MIGA1: variants seen among roughly 807,000 people sequenced by gnomAD.
The protein encoded by MIGA1 is mitoguardin 1.
MIGA1 carries 58 observed loss-of-function variants against 82.0 expected under a neutral mutation model. The ratio of observed to expected loss-of-function variants is 0.71; its 90% CI spans 0.57 to 0.88. MIGA1 has a LOEUF of 0.88. MIGA1 is among the 40% of genes least tolerant of loss of function. The pLI is 0.00. For synonymous variants in MIGA1, 249 were observed against 253.6 expected (o/e 0.98, Z 0.17); for missense variants, 751 against 749.1 (o/e 1.00, Z -0.03).
chr1:77,829,358 G>A (rs1238755229), intron 7 of MIGA1, among the ~76,000 whole-genome samples: 1 of 152,182 alleles, frequency 6.6e-6, no homozygotes, highest in African/African-American at 2.4e-5. Flanking sequence ...GGCTGAGATA[G>A]CAGGATCTTT....
At chr1:77,791,745 G>A (rs1431687798) in intron 2 of MIGA1, among the ~76,000 whole-genome samples, 3 of 151,508 alleles carry the variant, frequency 2.0e-5, no homozygotes, top group South Asian at 2.1e-4. Context: ...TGTATTTTTA[G>A]TAGAGACAGG....
intron 8 of MIGA1, among the ~76,000 whole-genome samples, chr1:77,844,623 G>T (rs1684768644): frequency 6.6e-6 from 1 of 152,012 alleles, no homozygotes; most frequent in Admixed American, 6.6e-5. Flanking sequence ...CAGAATATTT[G>T]CATTTTTTAC....
At chr1:77,816,986 A>C (rs917953677) in intron 7 of MIGA1, among the ~76,000 whole-genome samples, 5 of 152,120 alleles carry the variant, frequency 3.3e-5, no homozygotes, top group African/African-American at 1.2e-4. Flanking sequence ...TTAATGTCTT[A>C]CTCTAGGAAT....
intron 5 of MIGA1, among the ~76,000 whole-genome samples, chr1:77,808,751 A>G (rs748285282): frequency 6.6e-6 from 1 of 152,236 alleles, no homozygotes; most frequent in Non-Finnish European, 1.5e-5. Flanking sequence ...CCAGTGAGCA[A>G]TGAAGGGTTG....
intron 2 of MIGA1, among the ~76,000 whole-genome samples, chr1:77,788,809 C>T (rs1365495881): frequency 1.3e-5 from 2 of 152,082 alleles, no homozygotes; most frequent in African/African-American, 2.4e-5. Flanking sequence ...TGATTACTGT[C>T]GCTTTATAGT....
intron 7 of MIGA1, among the ~76,000 whole-genome samples, chr1:77,819,119 C>T (rs1158008383): frequency 6.6e-6 from 1 of 151,298 alleles, no homozygotes; most frequent in East Asian, 1.9e-4. Flanking sequence ...TCATCTCAAT[C>T]CCTACAACAA....
At chr1:77,847,247 G>A in intron 8 of MIGA1, 8 of 1,045,248 alleles carry the variant, frequency 7.7e-6, no homozygotes, top group Non-Finnish European at 1.1e-5. Flanking sequence ...AGCCTTCAGA[G>A]GGAAGCTGCT....
chr1:77,847,375 A>G, intron 8 of MIGA1: 1 of 1,067,042 alleles, frequency 9.4e-7, no homozygotes. Context: ...GAGGAAAACA[A>G]TACTAAATTG....
At chr1:77,839,449 C>A (rs1482425825) in intron 7 of MIGA1, among the ~76,000 whole-genome samples, 1 of 151,932 alleles carries the variant, frequency 6.6e-6, no homozygotes, top group Non-Finnish European at 1.5e-5. Flanking sequence ...TGGCTCACTG[C>A]AGCCTTGAAC....
At chr1:77,782,369 T>G (rs2101674702) in intron 1 of MIGA1, among the ~76,000 whole-genome samples, 1 of 152,338 alleles carries the variant, frequency 6.6e-6, no homozygotes, top group South Asian at 2.1e-4. Flanking sequence ...CATTTTTGAC[T>G]TATTAGTTCA....
chr1:77,870,049 C>T (rs866556273), intron 14 of MIGA1, among the ~76,000 whole-genome samples: 2 of 107,136 alleles, frequency 1.9e-5, no homozygotes, highest in South Asian at 3.6e-4. Flanking sequence ...CGGGCAGAGG[C>T]GCCCCTCACC....
intron 5 of MIGA1, among the ~76,000 whole-genome samples, chr1:77,810,390 C>T (rs1335872356): frequency 1.3e-5 from 2 of 151,212 alleles, no homozygotes; most frequent in Non-Finnish European, 2.9e-5. Context: ...CAGAACTGGT[C>T]CCATTCCTCT....
intron 5 of MIGA1, among the ~76,000 whole-genome samples, chr1:77,807,493 C>G (rs1683145930): frequency 6.6e-6 from 1 of 152,092 alleles, no homozygotes; most frequent in Non-Finnish European, 1.5e-5. Context: ...CTGAATTGTT[C>G]TAAGAGAAGC....
rs76346296 is a variant in MIGA1 at position 77,802,357 on chromosome 1, C to G, written c.373+849C>G. Among the ~76,000 whole-genome samples, 1,119 of 152,202 alleles carry G rather than the reference C, an allele frequency of 7.4e-3. 16 individuals are homozygous for G. The highest frequency in any genetic ancestry group is 0.025 in the African/African-American group (1,043 of 41,516). On this transcript the variant is annotated intron_variant, in intron 3 of 15. Coordinates refer to ENST00000370791, the MANE Select transcript of MIGA1 (RefSeq NM_198549.4). ...CAATCCTGTGAATTAGGATTATAGT[C>G]TTGTTATTGTTTCTATATTCTACAT...
At chr1:77,837,887 G>T (rs1684489267) in intron 7 of MIGA1, among the ~76,000 whole-genome samples, 1 of 152,106 alleles carries the variant, frequency 6.6e-6, no homozygotes, top group African/African-American at 2.4e-5. Flanking sequence ...TTTTCAATTT[G>T]CTGTTATATT....
At position 77,785,645 on chromosome 1, in the gene MIGA1, G is replaced by A. The variant is rs144459861; in HGVS notation, c.195+2294G>A. Reference sequence around the variant, plus strand: ...GGTGTGAGCCACTGCACCCGGCCAGGGCAGTCAAATATTAAAGTTCCAAAA... The same window carrying A: ...GGTGTGAGCCACTGCACCCGGCCAGAGCAGTCAAATATTAAAGTTCCAAAA... On this transcript the variant is annotated intron_variant, in intron 2 of 15. Transcript: ENST00000370791. Among the ~76,000 whole-genome samples, 388 of 152,210 alleles carry A rather than the reference G, an allele frequency of 2.5e-3. 1 individual carries two copies. The highest frequency in any genetic ancestry group is 9.0e-3 in the African/African-American group (372 of 41,526).
intron 1 of MIGA1, among the ~76,000 whole-genome samples, chr1:77,781,181 T>C (rs1171159412): frequency 6.6e-6 from 1 of 152,150 alleles, no homozygotes; most frequent in African/African-American, 2.4e-5. Flanking sequence ...AATGCTGGGA[T>C]TACAGGCGTG....
chr1:77,787,636 G>A (rs189962529), intron 2 of MIGA1, among the ~76,000 whole-genome samples: 5 of 152,022 alleles, frequency 3.3e-5, no homozygotes, highest in Admixed American at 2.6e-4. Flanking sequence ...TGATCTGCCC[G>A]CCTCCGCCTC....
chr1:77,822,931 C>G (rs1482287489), intron 7 of MIGA1, among the ~76,000 whole-genome samples: 1 of 151,126 alleles, frequency 6.6e-6, no homozygotes, highest in Non-Finnish European at 1.5e-5. Context: ...CCACCTCCAC[C>G]TCTTGGGTTC....
Sources: gnomAD v4.1 joint callset for allele counts (sites outside exome capture counted in the v4.1 genomes callset) on GRCh38, gnomAD v4.1.1 for gene constraint, MANE v1.5 for transcripts, NCBI Gene and HGNC (gene_info 2026-07-23, HGNC 2026-07-21) for gene names.